DAB1: variants seen among roughly 807,000 people sequenced by gnomAD.
The protein encoded by DAB1 is DAB adaptor protein 1, also known as disabled homolog 1.
In DAB1, 15 loss-of-function variants were observed where a neutral mutation model predicts 64.6. The ratio of observed to expected loss-of-function variants is 0.23; its 90% CI spans 0.16 to 0.36. The LOEUF (loss-of-function observed/expected upper bound fraction) is 0.36. DAB1 is among the 10% of genes least tolerant of loss of function. DAB1 has a pLI of 1.00. For missense variants in DAB1, 596 were observed against 706.7 expected, an observed-to-expected ratio of 0.84 and a Z score of 1.78; for synonymous variants, 235 against 251.9, an observed-to-expected ratio of 0.93 and a Z score of 0.64.
intron 5 of DAB1, among the ~76,000 whole-genome samples, chr1:58,137,396 T>C (rs1401592005): frequency 6.6e-6 from 1 of 152,306 alleles, no homozygotes; most frequent in African/African-American, 2.4e-5. Flanking sequence ...TTTAACTGAA[T>C]CAAAGAGAAT....
chr1:58,294,865 CGTGT>C (rs55922554), intron 4 of DAB1, among the ~76,000 whole-genome samples: 4,903 of 137,708 alleles, frequency 0.036, 220 homozygotes, highest in African/African-American at 0.1. Flanking sequence ...TGGTCCAGAA[CGTGT>C]GTGTGTGTGT....
intron 3 of DAB1, among the ~76,000 whole-genome samples, chr1:58,490,269 C>A (rs1396905193): frequency 6.6e-6 from 1 of 152,174 alleles, no homozygotes; most frequent in African/African-American, 2.4e-5. Context: ...AGCTGAAAAC[C>A]ATGGCACAAG....
intron 7 of DAB1, among the ~76,000 whole-genome samples, chr1:57,446,637 C>G (rs1195670968): frequency 6.6e-6 from 1 of 151,472 alleles, no homozygotes; most frequent in Non-Finnish European, 1.5e-5. Context: ...CCAGTTTTAG[C>G]TGGAGGAACC....
chr1:57,162,824 T>C (rs1012397512), intron 2 of DAB1, among the ~76,000 whole-genome samples: 7 of 152,222 alleles, frequency 4.6e-5, no homozygotes, highest in African/African-American at 1.7e-4. Flanking sequence ...GTATTTGTGA[T>C]GAAGAAAACA....
intron 3 of DAB1, among the ~76,000 whole-genome samples, chr1:57,143,444 GA>G (rs200235363): frequency 2.7e-5 from 4 of 149,938 alleles, no homozygotes; most frequent in Admixed American, 6.7e-5. Flanking sequence ...CTTAATTATT[GA>G]AAAAAAAAGA....
chr1:57,177,313 C>A (rs947697113), intron 2 of DAB1, among the ~76,000 whole-genome samples: 3 of 152,242 alleles, frequency 2.0e-5, no homozygotes, highest in African/African-American at 7.2e-5. Flanking sequence ...AGTCAGTCAT[C>A]TTTGAGCACT....
At chr1:58,147,343 G>T (rs564410225) in intron 5 of DAB1, among the ~76,000 whole-genome samples, 1 of 145,454 alleles carries the variant, frequency 6.9e-6, no homozygotes, top group Non-Finnish European at 1.5e-5. Context: ...GCCACGCCAG[G>T]CGTGGTGGCT....
chr1:58,540,053 G>A (rs537603193), intron 1 of DAB1, among the ~76,000 whole-genome samples: 1 of 152,266 alleles, frequency 6.6e-6, no homozygotes, highest in East Asian at 1.9e-4. Flanking sequence ...TGAAAAGATT[G>A]CAGGGAATAA....
At chr1:57,695,380 GAAAGAAAGAAAGA>G (rs1646825177) in intron 6 of DAB1, among the ~76,000 whole-genome samples, 9 of 70,120 alleles carry the variant, frequency 1.3e-4, no homozygotes, top group African/African-American at 4.9e-4. Context: ...AAGAAAGAAA[GAAAGAAAGAAAGA>G]AAGAAAGAAA....
rs1032992648 is a variant in DAB1 at position 57,410,366 on chromosome 1, A to G, written c.-137+13564T>C. 3.3e-5 allele frequency among the ~76,000 whole-genome samples: 5 copies of G among 152,354 alleles called. No individual in the cohort carries two copies. In the South Asian group the frequency reaches 1.0e-3, roughly 32 times the overall value. On this transcript the variant is annotated intron_variant, in intron 1 of 14. Coordinates refer to ENST00000371236, the MANE Select transcript of DAB1 (RefSeq NM_001365792.1). ...GCCAAGTATAAAGGGCATGAAAGAT[A>G]GTAGCCTTCAGAAACTCTCAATCTT...
At chr1:57,385,084 G>C (rs1461455592) in intron 1 of DAB1, among the ~76,000 whole-genome samples, 2 of 152,260 alleles carry the variant, frequency 1.3e-5, no homozygotes, top group Non-Finnish European at 2.9e-5. Flanking sequence ...TACACAGATT[G>C]GGATGTCTGC....
chr1:57,539,557 T>C (rs184477834), intron 7 of DAB1, among the ~76,000 whole-genome samples: 1 of 152,308 alleles, frequency 6.6e-6, no homozygotes, highest in Admixed American at 6.5e-5. Context: ...ATAAATTCTC[T>C]GAGAATCCAG....
At chr1:57,037,477 A>G (rs1407424896) in intron 9 of DAB1, among the ~76,000 whole-genome samples, 1 of 152,258 alleles carries the variant, frequency 6.6e-6, no homozygotes, top group East Asian at 1.9e-4. Flanking sequence ...AGCTCAGACC[A>G]AGGCTGAAAA....
At chr1:58,061,566 C>A (rs1156597119) in intron 5 of DAB1, among the ~76,000 whole-genome samples, 1 of 152,170 alleles carries the variant, frequency 6.6e-6, no homozygotes, top group Non-Finnish European at 1.5e-5. Context: ...ATTAGAACCA[C>A]CCCCCAACAA....
At chr1:58,214,048 A>G (rs1658707754) in intron 4 of DAB1, among the ~76,000 whole-genome samples, 1 of 152,146 alleles carries the variant, frequency 6.6e-6, no homozygotes, top group African/African-American at 2.4e-5. Flanking sequence ...AGGTTAAAAC[A>G]TTTCAATATC....
intron 3 of DAB1, among the ~76,000 whole-genome samples, chr1:58,481,784 T>C (rs1645488116): frequency 6.6e-6 from 1 of 152,098 alleles, no homozygotes; most frequent in Non-Finnish European, 1.5e-5. Flanking sequence ...GATCTGATGG[T>C]TTTATAAAGG....
At chr1:57,377,510 G>C (rs1274095880) in intron 1 of DAB1, among the ~76,000 whole-genome samples, 1 of 152,116 alleles carries the variant, frequency 6.6e-6, no homozygotes, top group Non-Finnish European at 1.5e-5. Flanking sequence ...TAAACATTGA[G>C]AATCATAGGC....
chr1:58,196,531 C>T (rs1047668510), intron 4 of DAB1, among the ~76,000 whole-genome samples: 1 of 152,128 alleles, frequency 6.6e-6, no homozygotes, highest in African/African-American at 2.4e-5. Context: ...TCCATTTTCA[C>T]ACTGCTATAA....
At chr1:57,693,340 C>G (rs1176484711) in intron 6 of DAB1, among the ~76,000 whole-genome samples, 2 of 151,394 alleles carry the variant, frequency 1.3e-5, no homozygotes, top group African/African-American at 4.9e-5. Context: ...GAGAACTTTT[C>G]TCTCTAGCTA....
Sources: allele counts gnomAD v4.1 joint callset (sites outside exome capture counted in the v4.1 genomes callset), GRCh38; gene constraint gnomAD v4.1.1; transcripts MANE v1.5; gene names NCBI Gene and HGNC (gene_info 2026-07-23, HGNC 2026-07-21).